Variants in COLEC10 observed in about 807,000 individuals in gnomAD.
COLEC10 encodes the protein collectin subfamily member 10.
A neutral mutation model predicts 28.4 loss-of-function variants in COLEC10; 22 were observed. The observed-to-expected ratio is 0.78, with a 90% CI of 0.55 to 1.11. COLEC10 has a LOEUF of 1.11. Among genes scored for constraint, COLEC10 ranks in the 50% least tolerant of loss-of-function variants. The probability of loss-of-function intolerance (pLI) is 0.00; values close to 1 mark genes in which losing one functional copy is unlikely to be tolerated. For synonymous variants in COLEC10, 125 were observed against 116.1 expected (o/e 1.08, Z -0.49); for missense variants, 361 against 344.1 (o/e 1.05, Z -0.39).
At chr8:119,025,050 T>A (rs1432256940) in intron 2 of COLEC10, among the ~76,000 whole-genome samples, 1 of 152,180 alleles carries the variant, frequency 6.6e-6, no homozygotes, top group African/African-American at 2.4e-5. Context: ...AAGACTTTCA[T>A]ATAATTCCAG....
At chr8:119,089,589 A>C (rs1815547487) in intron 1 of COLEC10, 91 bp from the exon 2 acceptor site, 2 of 996,916 alleles carry the variant, frequency 2.0e-6, no homozygotes, top group Non-Finnish European at 1.6e-6. Context: ...AGCTGAGGGA[A>C]AGATTGTAAC....
chr8:119,085,421 T>C (rs569180071), intron 1 of COLEC10, among the ~76,000 whole-genome samples: 3 of 152,178 alleles, frequency 2.0e-5, no homozygotes, highest in Non-Finnish European at 2.9e-5. Flanking sequence ...TGGGGCATAA[T>C]TGATGACTAC....
At chr8:119,052,759 T>TGG (rs1242928588) in intron 2 of COLEC10, among the ~76,000 whole-genome samples, 1 of 152,180 alleles carries the variant, frequency 6.6e-6, no homozygotes, top group Admixed American at 6.5e-5. Context: ...ACTGAAAGAC[T>TGG]TGTTGCTGGT....
intron 2 of COLEC10, among the ~76,000 whole-genome samples, chr8:119,056,945 T>C: frequency 6.6e-6 from 1 of 152,182 alleles, no homozygotes; most frequent in South Asian, 2.1e-4. Context: ...AAACACATCA[T>C]TCTCTCAACT....
upstream of COLEC10, among the ~76,000 whole-genome samples, chr8:118,994,807 T>C (rs1813562742): frequency 1.3e-5 from 2 of 152,208 alleles, no homozygotes; most frequent in African/African-American, 4.8e-5. Context: ...AAGTTATGTA[T>C]TTATTTTAAT....
At chr8:118,958,245 C>A in the COLEC10 span, among the ~76,000 whole-genome samples, 1 of 152,180 alleles carries the variant, frequency 6.6e-6, no homozygotes, top group Non-Finnish European at 1.5e-5. Context: ...CTCCACATGG[C>A]ATTTGGTGAG....
intron 4 of COLEC10, 166 bp downstream of exon 4, chr8:119,102,567 T>C (rs1264368356): frequency 1.7e-6 from 1 of 578,540 alleles, no homozygotes; most frequent in Non-Finnish European, 3.0e-6. Flanking sequence ...GTCTCCCTGC[T>C]GGTGACTTTC....
chr8:119,106,313 C>A lies in COLEC10; in HGVS notation c.*122C>A. 1.0e-6 allele frequency: 1 copy of A among 993,512 alleles called. No individual in the cohort carries two copies. Among genetic ancestry groups the A allele is most frequent in the Non-Finnish European group, 1.5e-6 (1 of 675,688 alleles). The allele number at this position is 993,512 out of a possible 1,614,324, so 61.5% of individuals were successfully genotyped here. A position where few individuals can be genotyped will look rare whatever the true frequency, so the allele number is the denominator to read the frequency against. On this transcript the variant is annotated 3_prime_UTR_variant, in exon 6 of 6. Coordinates refer to ENST00000332843, the MANE Select transcript of COLEC10 (RefSeq NM_006438.5). ...GTCAACATAGCTAGAAAATGCTAAA[C>A]TGAGGTATGGAGCCTCCATCATCAT...
chr8:119,041,879 C>G (rs537083194), intron 2 of COLEC10, among the ~76,000 whole-genome samples: 1 of 151,998 alleles, frequency 6.6e-6, no homozygotes, highest in Non-Finnish European at 1.5e-5. Flanking sequence ...AAAACAGAGC[C>G]ATACAGGTTT....
intron 1 of COLEC10, among the ~76,000 whole-genome samples, chr8:118,997,806 G>A (rs1309581285): frequency 6.6e-6 from 1 of 152,122 alleles, no homozygotes; most frequent in Non-Finnish European, 1.5e-5. Flanking sequence ...TGTGTTTCAT[G>A]GCATGTAAAG....
the COLEC10 span, among the ~76,000 whole-genome samples, chr8:118,990,070 G>A: frequency 6.6e-6 from 1 of 150,404 alleles, no homozygotes; most frequent in African/African-American, 2.5e-5. Flanking sequence ...CTTTGAAATA[G>A]GGTACGTAAT....
chr8:119,015,176 C>G (rs1184168600), intron 2 of COLEC10, among the ~76,000 whole-genome samples: 1 of 149,614 alleles, frequency 6.7e-6, no homozygotes, highest in South Asian at 2.1e-4. Context: ...AAAGAAATTG[C>G]TCTTAGTAGG....
Position 119,043,761 on chromosome 8 carries a change from G to A in COLEC10, n.235+34208G>A, listed in dbSNP as rs7825575. 2.8e-3 allele frequency among the ~76,000 whole-genome samples: 432 copies of A among 152,200 alleles called. 2 individuals are homozygous for A. The highest frequency in any genetic ancestry group is 0.01 in the African/African-American group (418 of 41,534). ...GCAGATTCATGTATATGGACAGCAC[G>A]GAATTCCAAGGCCGTGATGGAAGAA... On this transcript the variant is annotated intron_variant and non_coding_transcript_variant, in intron 2 of 6. Coordinates refer to the COLEC10 transcript ENST00000521788.
chr8:119,072,095 A>G (rs1343609425), intron 1 of COLEC10, among the ~76,000 whole-genome samples: 1 of 152,162 alleles, frequency 6.6e-6, no homozygotes, highest in Non-Finnish European at 1.5e-5. Context: ...TCCTTCACTA[A>G]GGAAGCCTTT....
Position 119,041,128 on chromosome 8 carries a change from C to A in COLEC10, n.235+31575C>A, listed in dbSNP as rs144269952. Among the ~76,000 whole-genome samples the A allele has an allele frequency of 3.2e-3, 487 of 152,318 alleles. 1 individual carries two copies. The highest frequency in any genetic ancestry group is 0.011 in the African/African-American group (451 of 41,566). On this transcript the variant is annotated intron_variant and non_coding_transcript_variant, in intron 2 of 6. Transcript: ENST00000521788. Reference sequence around the variant, plus strand: ...ACACAAATCCTTGTCTAAGGGTCTACTTCTGGGGAATTTGACCTAAAACGT... The same window carrying A: ...ACACAAATCCTTGTCTAAGGGTCTAATTCTGGGGAATTTGACCTAAAACGT...
At chr8:119,001,160 A>C (rs1014810202) in intron 1 of COLEC10, among the ~76,000 whole-genome samples, 1 of 152,174 alleles carries the variant, frequency 6.6e-6, no homozygotes, top group African/African-American at 2.4e-5. Context: ...TGAGGATGCT[A>C]ATCATTGCAT....
chr8:119,090,148 C>T (rs990899590), intron 2 of COLEC10, among the ~76,000 whole-genome samples: 1 of 152,076 alleles, frequency 6.6e-6, no homozygotes, highest in African/African-American at 2.4e-5. Context: ...ACAAAAAGGG[C>T]TACCTGATTC....
At chr8:118,996,670 CTA>C (rs1258435148) in intron 1 of COLEC10, among the ~76,000 whole-genome samples, 1 of 152,102 alleles carries the variant, frequency 6.6e-6, no homozygotes, top group Admixed American at 6.6e-5. Context: ...CTGTGCTAGT[CTA>C]TTTGTGTTAC....
rs575741637 is a variant in COLEC10 at position 119,012,825 on chromosome 8, T to C, written n.235+3272T>C. 5.0e-4 allele frequency among the ~76,000 whole-genome samples: 75 copies of C among 150,598 alleles called. 1 individual carries two copies. The highest frequency in any genetic ancestry group is 3.4e-3 in the Middle Eastern group (1 of 294). On this transcript the variant is annotated intron_variant and non_coding_transcript_variant, in intron 2 of 6. Coordinates refer to the COLEC10 transcript ENST00000521788. ...ATCTGTAGTGATGTTCCTTTTTCAT[T>C]TCTGATATTAGTAATTTGTGTCCTT...
Sources: gnomAD v4.1 joint callset for allele counts (sites outside exome capture counted in the v4.1 genomes callset) on GRCh38, gnomAD v4.1.1 for gene constraint, MANE v1.5 for transcripts, NCBI Gene and HGNC (gene_info 2026-07-23, HGNC 2026-07-21) for gene names.